The following IGF2BP1 variants were observed in gnomAD, a reference collection of about 807,000 sequenced individuals.
IGF2BP1 encodes the protein insulin like growth factor 2 mRNA binding protein 1.
A neutral mutation model predicts 74.9 loss-of-function variants in IGF2BP1; 11 were observed. The observed-to-expected ratio is 0.15, with a 90% confidence interval of 0.09 to 0.24. The LOEUF (loss-of-function observed/expected upper bound fraction) is 0.24, where lower values mean the gene tolerates loss of function less well. Among genes scored for constraint, IGF2BP1 ranks in the 10% least tolerant of loss-of-function variants. The pLI is 1.00. For synonymous variants in IGF2BP1, 287 were observed against 281.8 expected (o/e 1.02, Z -0.18); for missense variants, 440 against 757.4 (o/e 0.58, Z 4.92).
intron 2 of IGF2BP1, among the ~76,000 whole-genome samples, chr17:49,014,404 A>G (rs1038851048): frequency 6.6e-6 from 1 of 150,764 alleles, no homozygotes; most frequent in Non-Finnish European, 1.5e-5. Context: ...TTCACCGCCT[A>G]GGTTCTCTTG....
At chr17:49,046,205 A>G (rs1168568651) in intron 13 of IGF2BP1, 55 bp from the exon 14 acceptor site, 1 of 1,524,906 alleles carries the variant, frequency 6.6e-7, no homozygotes, top group Non-Finnish European at 9.1e-7. Context: ...TCCTCCCTCC[A>G]ACCCCACCCA....
intron 4 of IGF2BP1, among the ~76,000 whole-genome samples, chr17:49,029,029 A>G (rs951906711): frequency 2.6e-5 from 4 of 151,988 alleles, no homozygotes; most frequent in Non-Finnish European, 5.9e-5. Flanking sequence ...CTGGTCTCGA[A>G]CTCCTGACCT....
intron 10 of IGF2BP1, 103 bp downstream of exon 10, chr17:49,043,653 G>A: frequency 7.1e-7 from 1 of 1,416,654 alleles, no homozygotes. Context: ...CAAGTTTGCA[G>A]GGAGAGGGAA....
chr17:49,048,064 G>A (rs1332896549), intron 14 of IGF2BP1, among the ~76,000 whole-genome samples: 1 of 152,042 alleles, frequency 6.6e-6, no homozygotes, highest in Non-Finnish European at 1.5e-5. Flanking sequence ...ATGGAAAGGA[G>A]ACATTCTGGT....
chr17:49,007,952 A>G (rs2041570249), intron 2 of IGF2BP1, among the ~76,000 whole-genome samples: 2 of 152,070 alleles, frequency 1.3e-5, no homozygotes, highest in South Asian at 2.1e-4. Flanking sequence ...TGGGTGGATC[A>G]CCTGAGATCA....
intron 2 of IGF2BP1, among the ~76,000 whole-genome samples, chr17:49,020,641 T>C (rs2041780572): frequency 6.6e-6 from 1 of 152,030 alleles, no homozygotes; most frequent in Non-Finnish European, 1.5e-5. Context: ...GAGGACAAAA[T>C]AAAAAACACT....
In IGF2BP1 at chr17:48,998,059, C is replaced by T. The variant is rs1167415089; in HGVS notation, c.175+139C>T. On this transcript the variant is annotated intron_variant, in intron 1 of 14. Coordinates refer to ENST00000290341, the MANE Select transcript of IGF2BP1 (RefSeq NM_006546.4). ...GGCCTCCGTACCCACCCTCGACCTA[C>T]CCCCTTCGATGCCCCCTCCCTCGCT... 1.1e-5 allele frequency: 9 copies of T among 840,506 alleles called. No homozygotes were observed. The East Asian group carries it at 2.0e-4, about 18-fold the overall frequency. 52.1% of individuals were successfully genotyped at this position (840,506 alleles called of 1,614,324 possible). A position where few individuals can be genotyped will look rare whatever the true frequency, so the allele number is the denominator to read the frequency against.
At chr17:49,015,562 C>A (rs900735657) in intron 2 of IGF2BP1, among the ~76,000 whole-genome samples, 1 of 152,230 alleles carries the variant, frequency 6.6e-6, no homozygotes, top group African/African-American at 2.4e-5. Context: ...TGGGTCACCT[C>A]TTTTCTATTT....
intron 2 of IGF2BP1, among the ~76,000 whole-genome samples, chr17:49,011,158 A>AG (rs2041614752): frequency 6.9e-6 from 1 of 144,156 alleles, no homozygotes; most frequent in East Asian, 2.0e-4. Flanking sequence ...AAAAAAAAAA[A>AG]AAAAAAAAAC....
chr17:48,997,547 C>G lies in IGF2BP1; in HGVS notation c.-199C>G. 1 of 593,026 alleles carries G rather than the reference C, an allele frequency of 1.7e-6. No homozygotes were observed. Among genetic ancestry groups the G allele is most frequent in the South Asian group, 2.0e-5 (1 of 49,238 alleles). 36.7% of individuals were successfully genotyped at this position (593,026 alleles called of 1,614,324 possible). On this transcript the variant is annotated 5_prime_UTR_variant, in exon 1 of 15. Coordinates refer to ENST00000290341, the MANE Select transcript of IGF2BP1 (RefSeq NM_006546.4). This position sits in a 1 kb window ranked among gnomAD's most constrained non-coding sequence, Gnocchi z 4.8. The stretch of plus-strand genomic sequence containing the variant: ...GCCGCGGGCACTTCTCCTGGGCTCT[C>G]CCCGAACTCTCCCGCGACCTCTGCG...
At chr17:49,025,495 A>T in intron 2 of IGF2BP1, 123 bp from the exon 3 acceptor site, 1 of 849,256 alleles carries the variant, frequency 1.2e-6, no homozygotes, top group Non-Finnish European at 1.9e-6. Context: ...AGATTTTAAG[A>T]CTATGGTGTT....
At chr17:49,003,665 T>G (rs1029318042) in intron 2 of IGF2BP1, among the ~76,000 whole-genome samples, 1 of 151,766 alleles carries the variant, frequency 6.6e-6, no homozygotes, top group Non-Finnish European at 1.5e-5. Flanking sequence ...TTCCAGAAAG[T>G]GCAGCTTAGA....
At chr17:49,006,285 C>G (rs571151871) in intron 2 of IGF2BP1, among the ~76,000 whole-genome samples, 3 of 152,258 alleles carry the variant, frequency 2.0e-5, no homozygotes, top group Admixed American at 2.0e-4. Context: ...AGGAATCATT[C>G]AAAATTCTTA....
chr17:48,998,893 A>G (rs2041444980), intron 1 of IGF2BP1, among the ~76,000 whole-genome samples: 1 of 152,134 alleles, frequency 6.6e-6, no homozygotes, highest in Admixed American at 6.5e-5. Flanking sequence ...GATTTAATAA[A>G]GCAAAAATTA....
chr17:49,000,834 A>G (rs1440512227), intron 2 of IGF2BP1, among the ~76,000 whole-genome samples: 7 of 151,962 alleles, frequency 4.6e-5, no homozygotes, highest in African/African-American at 1.7e-4. Flanking sequence ...TCCCCAAGCC[A>G]TCTGCTTGCT....
intron 5 of IGF2BP1, among the ~76,000 whole-genome samples, chr17:49,034,762 A>C (rs551962444): frequency 0.012 from 1,648 of 141,354 alleles, 44 homozygotes; most frequent in African/African-American, 0.044. Context: ...AAAACAAAAA[A>C]AACAAAAAAA....
chr17:49,008,537 A>G (rs1026655059), intron 2 of IGF2BP1, among the ~76,000 whole-genome samples: 1 of 152,134 alleles, frequency 6.6e-6, no homozygotes, highest in Non-Finnish European at 1.5e-5. Context: ...ACAAACCTCT[A>G]ATATTTCTGT....
chr17:49,002,491 A>G (rs2041499022), intron 2 of IGF2BP1, among the ~76,000 whole-genome samples: 1 of 152,096 alleles, frequency 6.6e-6, no homozygotes, highest in African/African-American at 2.4e-5. Flanking sequence ...GAGGGGTTAA[A>G]AAGGGAATGA....
chr17:49,034,115 CTTTTT>C (rs762314265), intron 5 of IGF2BP1, among the ~76,000 whole-genome samples: 2 of 118,414 alleles, frequency 1.7e-5, no homozygotes, highest in African/African-American at 3.4e-5. Context: ...TGATTTGCCC[CTTTTT>C]TTTTTTTTTT....
Sources: gnomAD v4.1 joint callset for allele counts (sites outside exome capture counted in the v4.1 genomes callset) on GRCh38, gnomAD v4.1.1 for gene constraint, Gnocchi (gnomAD v3.1) non-coding constraint, MANE v1.5 for transcripts, NCBI Gene and HGNC (gene_info 2026-07-23, HGNC 2026-07-21) for gene names.